E2F8: variants seen among roughly 807,000 people sequenced by gnomAD.
The protein encoded by E2F8 is transcription factor E2F8.
In E2F8, 35 loss-of-function variants were observed where a neutral mutation model predicts 80.8. That is an observed-to-expected ratio of 0.43 (90% confidence interval 0.33 to 0.57). The LOEUF is 0.57. Among genes scored for constraint, E2F8 ranks in the 20% least tolerant of loss-of-function variants. E2F8 has a pLI of 0.04. For missense variants in E2F8, 975 were observed against 1,056.2 expected, an observed-to-expected ratio of 0.92 and a Z score of 1.07; for synonymous variants, 386 against 395.0, an observed-to-expected ratio of 0.98 and a Z score of 0.27.
At chr11:19,231,849 A>C (rs1851391500) in intron 7 of E2F8, among the ~76,000 whole-genome samples, 1 of 152,188 alleles carries the variant, frequency 6.6e-6, no homozygotes, top group Non-Finnish European at 1.5e-5. Flanking sequence ...ATTCATCTTG[A>C]ATCATCTTTT....
intron 7 of E2F8, 41 bp downstream of exon 7, chr11:19,232,193 C>T (rs1565069550): frequency 2.5e-6 from 4 of 1,603,260 alleles, no homozygotes; most frequent in Admixed American, 1.7e-5. Flanking sequence ...AAAACACACA[C>T]ACAAATAATA....
chr11:19,239,638 C>A (rs1851609212), intron 2 of E2F8, among the ~76,000 whole-genome samples: 1 of 151,514 alleles, frequency 6.6e-6, no homozygotes, highest in African/African-American at 2.4e-5. Context: ...TTTCTGAATT[C>A]CAAGTTGTTC....
intron 5 of E2F8, 48 bp downstream of exon 5, chr11:19,234,694 GAC>G: frequency 8.3e-6 from 13 of 1,565,818 alleles, no homozygotes; most frequent in Non-Finnish European, 1.0e-5. Context: ...CTTTTCCTTA[GAC>G]AGAGGACAAA....
intron 4 of E2F8, among the ~76,000 whole-genome samples, chr11:19,236,256 G>C (rs1233373223): frequency 6.6e-6 from 1 of 152,110 alleles, no homozygotes; most frequent in Non-Finnish European, 1.5e-5. Flanking sequence ...TCCTTGCCCA[G>C]ATGTCACCTT....
At chr11:19,228,204 T>A (rs546008489) in intron 10 of E2F8, among the ~76,000 whole-genome samples, 14 of 152,208 alleles carry the variant, frequency 9.2e-5, no homozygotes, top group Admixed American at 6.5e-5. Context: ...GAGACCATTA[T>A]TAAATCATAC....
At chr11:19,233,915 C>CTCCCAAAATTTGG (rs1222550608) in intron 6 of E2F8, among the ~76,000 whole-genome samples, 8 of 150,932 alleles carry the variant, frequency 5.3e-5, no homozygotes, top group South Asian at 2.1e-4. Flanking sequence ...TTTGGGAGGC[C>CTCCCAAAATTTGG]GAGGTGGGTG....
At chr11:19,233,013 C>A (rs117262566) in intron 6 of E2F8, among the ~76,000 whole-genome samples, 1 of 152,236 alleles carries the variant, frequency 6.6e-6, no homozygotes, top group East Asian at 1.9e-4. Flanking sequence ...TTCTGAATTC[C>A]CTGGGGATTC....
At position 19,237,739 on chromosome 11, in the gene E2F8, A is replaced by G. The variant is rs978299583; in HGVS notation, c.294+115T>C. On this transcript the variant is annotated intron_variant, in intron 3 of 12. Transcript: ENST00000250024. ...CCTTTCTGGTGCTCCGAAGGAAGTT[A>G]ATAACAGCCTTCGGGTGGTGATGCT... The G allele has an allele frequency of 2.2e-6, 3 of 1,372,058 alleles. No homozygotes were observed. In the African/African-American group the frequency reaches 4.4e-5, roughly 20 times the overall value. 85.0% of individuals were successfully genotyped at this position (1,372,058 alleles called of 1,614,324 possible). A position where few individuals can be genotyped will look rare whatever the true frequency, so the allele number is the denominator to read the frequency against.
rs1213231057 is a variant in E2F8 at position 19,237,225 on chromosome 11, A to G, written c.451+89T>C. 21 of 1,248,734 alleles carry G rather than the reference A, an allele frequency of 1.7e-5. No individual in the cohort carries two copies. In the Admixed American group the frequency reaches 1.7e-4, roughly 10 times the overall value. 77.4% of individuals were successfully genotyped at this position (1,248,734 alleles called of 1,614,324 possible). On this transcript the variant is annotated intron_variant, in intron 4 of 12. Coordinates refer to ENST00000250024, the MANE Select transcript of E2F8 (RefSeq NM_024680.4). ...CGGCTTATTTGTGTCATTTACAAACACTGGCTAGATGAGCGGGGGTCTGAA... is the reference window on the plus strand; with the variant it reads ...CGGCTTATTTGTGTCATTTACAAACGCTGGCTAGATGAGCGGGGGTCTGAA...
Position 19,234,687 on chromosome 11 carries a change from T to C in E2F8, c.766+57A>G, listed in dbSNP as rs1282901538. On this transcript the variant is annotated intron_variant, in intron 5 of 12. Coordinates refer to ENST00000250024, the MANE Select transcript of E2F8 (RefSeq NM_024680.4). ...AGAGCTGTGTTCTCCACAGAACCTT[T>C]TCCTTAGACAGAGGACAAATGCCAT... The C allele has an allele frequency of 8.4e-6, 13 of 1,554,994 alleles. No individual in the cohort carries two copies. The East Asian group carries it at 2.5e-4, about 30-fold the overall frequency.
At position 19,234,404 on chromosome 11, in the gene E2F8, A is replaced by G. The variant is rs749926881; in HGVS notation, c.884T>C (p.Ile295Thr). ...CAAATCTTCCACATGGTCCTCCCCA[A>G]TTAAAATCTTGGCAGCAACTTCTAG... ...VSLEVAAKIL[I>T]GEDHVEDLDK... The change falls in exon 6 of 13, where the codon ATT becomes ACT. Residue 295 changes from isoleucine (I) to threonine (T), a missense_variant. Physicochemically the swap from Ile to Thr is moderately conservative, Grantham distance 89 (BLOSUM62 -1). Transcript: ENST00000250024. 45 of 1,614,080 alleles carry G rather than the reference A, an allele frequency of 2.8e-5. No homozygotes were observed. Among genetic ancestry groups the G allele is most frequent in the East Asian group, 6.7e-5 (3 of 44,894 alleles).
intron 6 of E2F8, among the ~76,000 whole-genome samples, chr11:19,233,116 G>A (rs1276789098): frequency 1.3e-5 from 2 of 152,106 alleles, no homozygotes; most frequent in Non-Finnish European, 2.9e-5. Context: ...ACTCACAAAA[G>A]GCAAGTAACC....
chr11:19,235,186 A>G, intron 4 of E2F8, 128 bp from the exon 5 acceptor site: 2 of 816,754 alleles, frequency 2.4e-6, no homozygotes, highest in Non-Finnish European at 3.8e-6. Context: ...GTAAGTGAAC[A>G]TACTCAACAA....
chr11:19,233,626 T>C (rs1189599767), intron 6 of E2F8, among the ~76,000 whole-genome samples: 2 of 151,982 alleles, frequency 1.3e-5, no homozygotes, highest in Non-Finnish European at 2.9e-5. Flanking sequence ...TAACTGGGAC[T>C]ACAGGTGCAC....
Position 19,225,091 on chromosome 11 carries a change from G to T in E2F8, c.2421+130C>A, listed in dbSNP as rs183374639. On this transcript the variant is annotated intron_variant, in intron 12 of 12. Coordinates refer to ENST00000250024, the MANE Select transcript of E2F8 (RefSeq NM_024680.4). ...TTCCTGGGTTCTGGAAGAAACATAG[G>T]CCTTCAATCTCCTGACTTTCCCATC... 5.2e-5 allele frequency: 69 copies of T among 1,339,108 alleles called. No individual in the cohort carries two copies. In the East Asian group the frequency reaches 1.5e-3, roughly 29 times the overall value. 83.0% of individuals were successfully genotyped at this position (1,339,108 alleles called of 1,614,324 possible).
At chr11:19,232,400 A>C (rs1177027007) in intron 6 of E2F8, 29 bp from the exon 7 acceptor site, 1 of 1,568,750 alleles carries the variant, frequency 6.4e-7, no homozygotes, top group Non-Finnish European at 8.7e-7. Context: ...ATACCACTTA[A>C]TGGAATAATG....
chr11:19,234,944 G>A lies in E2F8; in HGVS notation c.566C>T (p.Thr189Ile), dbSNP rs1212621457. 2.5e-6 allele frequency: 4 copies of A among 1,614,078 alleles called. No individual in the cohort carries two copies. The East Asian group carries it at 8.9e-5, about 36-fold the overall frequency. Residue 189 changes from threonine to isoleucine, a missense_variant, in exon 5 of 13, where the codon ACC becomes ATC. Transcript: ENST00000250024. ...TWHGRHNLNKTLGTLKSIGEE... is the reference protein window; with the variant it reads ...TWHGRHNLNKILGTLKSIGEE... ...CCCGATGCTCTTCAAGGTGCCAAGG[G>A]TTTTGTTGAGATTGTGTCGCCCGTG...
chr11:19,241,157 G>C (rs574764749), upstream of E2F8, among the ~76,000 whole-genome samples: 22 of 152,334 alleles, frequency 1.4e-4, no homozygotes, highest in African/African-American at 4.1e-4. The surrounding 1 kb of genome is among the most constrained non-coding windows in gnomAD (Gnocchi z 4.5). Context: ...CGGAAAGTCG[G>C]ACCGTGGCCG....
chr11:19,226,180 A>G, intron 10 of E2F8: 1 of 272,874 alleles, frequency 3.7e-6, no homozygotes, highest in Non-Finnish European at 7.0e-6. Context: ...TGATAACTTA[A>G]CTCTTGCTAC....
Sources: allele counts gnomAD v4.1 joint callset (sites outside exome capture counted in the v4.1 genomes callset), GRCh38; gene constraint gnomAD v4.1.1; non-coding constraint Gnocchi (gnomAD v3.1); transcripts MANE v1.5; gene names NCBI Gene and HGNC (gene_info 2026-07-23, HGNC 2026-07-21).